GPATCH3: variants seen among roughly 807,000 people sequenced by gnomAD.
GPATCH3 encodes the protein G patch domain-containing protein 3.
Under a neutral mutation model 53.2 loss-of-function variants are expected in GPATCH3, and 45 were observed. That is an observed-to-expected ratio of 0.85 (90% CI 0.67 to 1.08). The LOEUF is 1.08. Among genes scored for constraint, GPATCH3 ranks in the 50% least tolerant of loss-of-function variants. The pLI, the probability that GPATCH3 is intolerant of heterozygous loss-of-function variation, is 0.00. For synonymous variants in GPATCH3, 280 were observed against 270.6 expected, an observed-to-expected ratio of 1.03 and a Z score of -0.34; for missense variants, 680 against 687.2, an observed-to-expected ratio of 0.99 and a Z score of 0.12.
chr1:26,897,724 A>C lies in GPATCH3; in HGVS notation c.453T>G (p.Gly151=). 1 of 1,600,864 alleles carries C rather than the reference A, an allele frequency of 6.2e-7. No homozygotes were observed. The highest frequency in any genetic ancestry group is 1.1e-5 in the South Asian group (1 of 89,504). ...RRLRLPTEAS[G]LGSFPFKTRK... ...GGGTCTTGAAGGGAAAGGAGCCCAG[A>C]CCTTGGAAAGGAGGGAGAATAGATC... Residue 151 remains glycine, a splice_region_variant and synonymous_variant, in exon 2 of 7, where the codon GGT becomes GGG. Coordinates refer to ENST00000361720, the MANE Select transcript of GPATCH3 (RefSeq NM_022078.3).
chr1:26,892,615 T>C (rs747156382), intron 5 of GPATCH3, 55 bp downstream of exon 5: 58 of 1,608,458 alleles, frequency 3.6e-5, no homozygotes, highest in African/African-American at 2.0e-4. Context: ...GAGAAGGAAT[T>C]AAAGTAGAGA....
rs2124020887 is a variant in GPATCH3 at position 26,894,263 on chromosome 1, C to T, written c.1024G>A (p.Ala342Thr). The change falls in exon 3 of 7, where the codon GCC (alanine) becomes ACC (threonine). Residue 342 changes from alanine to threonine, a missense_variant. Ala to Thr is a moderately conservative substitution (Grantham distance 58). Transcript: ENST00000361720. ...CCTTCTTCCTCCTGCCAGAACTGGG[C>T]ATCAGTATAAAACACCAGGCCAGAG... ...GGSGLVFYTD[A>T]QFWQEEEGDF... 4 of 1,614,076 alleles carry T rather than the reference C, an allele frequency of 2.5e-6. No individual in the cohort carries two copies. In the South Asian group the frequency reaches 3.3e-5, roughly 13 times the overall value.
intron 2 of GPATCH3, among the ~76,000 whole-genome samples, chr1:26,896,538 A>AAT (rs559783443): frequency 1.7e-3 from 250 of 148,066 alleles, no homozygotes; most frequent in Middle Eastern, 3.5e-3. Context: ...AAAAATAAAA[A>AAT]AAAAAAAAAA....
rs529928820 is a variant in GPATCH3 at position 26,892,043 on chromosome 1, A to G, written c.1361+368T>C. Reference sequence around the variant, plus strand: ...TTTTAGTAGAGACGGGGATTTCACCATGTTGGCCAGGCTGGTCTCTAACTC... The same window carrying G: ...TTTTAGTAGAGACGGGGATTTCACCGTGTTGGCCAGGCTGGTCTCTAACTC... On this transcript the variant is annotated intron_variant, in intron 6 of 6. Coordinates refer to ENST00000361720, the MANE Select transcript of GPATCH3 (RefSeq NM_022078.3). Among the ~76,000 whole-genome samples, 5 of 152,162 alleles carry G rather than the reference A, an allele frequency of 3.3e-5. No individual in the cohort carries two copies. The South Asian group carries it at 8.3e-4, about 25-fold the overall frequency.
intron 2 of GPATCH3, among the ~76,000 whole-genome samples, chr1:26,895,769 T>C (rs1204041316): frequency 6.6e-6 from 1 of 151,912 alleles, no homozygotes; most frequent in East Asian, 1.9e-4. Context: ...TCCCAGTAGC[T>C]AGGACTACAG....
Position 26,892,031 on chromosome 1 carries a change from G to A in GPATCH3, c.1361+380C>T, listed in dbSNP as rs548725252. Among the ~76,000 whole-genome samples, 6 of 151,938 alleles carry A rather than the reference G, an allele frequency of 3.9e-5. No homozygotes were observed. In the East Asian group the frequency reaches 9.7e-4, roughly 25 times the overall value. ...TAATTTTTGTATTTTTAGTAGAGAC[G>A]GGGATTTCACCATGTTGGCCAGGCT... On this transcript the variant is annotated intron_variant, in intron 6 of 6. Coordinates refer to ENST00000361720, the MANE Select transcript of GPATCH3 (RefSeq NM_022078.3).
chr1:26,899,247 G>A (rs2081964089), intron 1 of GPATCH3, among the ~76,000 whole-genome samples: 1 of 152,134 alleles, frequency 6.6e-6, no homozygotes, highest in Non-Finnish European at 1.5e-5. Flanking sequence ...GTAACCTCAG[G>A]CAAGTCACAT....
In GPATCH3 at chr1:26,894,230, C is replaced by T; in HGVS notation, c.1051+6G>A. 1 of 1,613,408 alleles carries T rather than the reference C, an allele frequency of 6.2e-7. No individual in the cohort carries two copies. The highest frequency in any genetic ancestry group is 8.5e-7 in the Non-Finnish European group (1 of 1,179,550). The stretch of plus-strand genomic sequence containing the variant: ...ACCCCTGCCTTTGCCTGGGTACCAG[C>T]ATTACCTCCTTCTTCCTCCTGCCAG... On this transcript the variant is annotated splice_donor_region_variant and intron_variant, in intron 3 of 6. Transcript: ENST00000361720.
In GPATCH3 at chr1:26,900,464, C is replaced by A; in HGVS notation, c.-22G>T. 6.3e-7 allele frequency: 1 copy of A among 1,590,908 alleles called. No individual in the cohort carries two copies. The highest frequency in any genetic ancestry group is 8.6e-7 in the Non-Finnish European group (1 of 1,165,168). ...CCATCTTGGATTGTCACATGATCAG[C>A]TAGAACCAAGTCTCGCGAGAACACC... is the stretch of plus-strand genomic sequence containing the variant. On this transcript the variant is annotated 5_prime_UTR_variant, in exon 1 of 7. Coordinates refer to ENST00000361720, the MANE Select transcript of GPATCH3 (RefSeq NM_022078.3).
rs912327731 is a variant in GPATCH3 at position 26,897,599 on chromosome 1, C to T, written c.578G>A (p.Gly193Glu). The stretch of plus-strand genomic sequence containing the variant: ...GACCCGCAGGGGAGTCCCCACATTC[C>T]CTCTGGGCATCAGCACTGGTGGGTT... The part of the protein sequence containing the change: ...ELNPPVLMPR[G>E]NVGTPLRVFL... Residue 193 changes from glycine to glutamate, a missense_variant, in exon 2 of 7, where the codon GGG (glycine) becomes GAG (glutamate). By Grantham distance (98) the Gly-to-Glu change is moderately conservative (BLOSUM62 -2). Coordinates refer to ENST00000361720, the MANE Select transcript of GPATCH3 (RefSeq NM_022078.3). 1 of 1,614,190 alleles carries T rather than the reference C, an allele frequency of 6.2e-7. No homozygotes were observed. The highest frequency in any genetic ancestry group is 8.5e-7 in the Non-Finnish European group (1 of 1,180,044).
At chr1:26,897,853 C>G in intron 1 of GPATCH3, 128 bp from the exon 2 acceptor site, 1 of 773,870 alleles carries the variant, frequency 1.3e-6, no homozygotes, top group Non-Finnish European at 2.0e-6. Context: ...TAGTAAAAAT[C>G]TAGGCCGACA....
At chr1:26,892,358 A>T (rs903260879) in intron 6 of GPATCH3, 53 bp downstream of exon 6, 2 of 1,583,556 alleles carry the variant, frequency 1.3e-6, no homozygotes, top group Non-Finnish European at 8.6e-7. Flanking sequence ...GAGGGAAACC[A>T]GGGCATAGCT....
Position 26,894,318 on chromosome 1 carries a change from C to T in GPATCH3, c.969G>A (p.Glu323=). ...QERTTEQLFE[E]EIELKWEKGG... ...CCTTCTCCCACTTGAGCTCAATCTCCTCCTCAAAGAGCTGCTCAGTGGTCC... is the reference window on the plus strand; with the variant it reads ...CCTTCTCCCACTTGAGCTCAATCTCTTCCTCAAAGAGCTGCTCAGTGGTCC... Residue 323 remains glutamate (E), a synonymous_variant, in exon 3 of 7, where the codon GAG becomes GAA. Coordinates refer to ENST00000361720, the MANE Select transcript of GPATCH3 (RefSeq NM_022078.3). 1 of 1,614,172 alleles carries T rather than the reference C, an allele frequency of 6.2e-7. No homozygotes were observed. Among genetic ancestry groups the T allele is most frequent in the Non-Finnish European group, 8.5e-7 (1 of 1,180,024 alleles).
Position 26,892,538 on chromosome 1 carries a change from C to T in GPATCH3, c.1234G>A (p.Gly412Ser), listed in dbSNP as rs994605298. ...QVGTFERHTK[G>S]IGRKVMERQG... is the part of the protein sequence containing the mutation. ...CGCTCCATCACCTTCCGCCCAATGC[C>T]CTGCAGAGTGAAGGGACAAGACTCA... The change falls in exon 6 of 7, where the codon GGC (glycine) becomes AGC (serine). Residue 412 changes from glycine (G) to serine (S), a missense_variant and splice_region_variant. Gly to Ser is a moderately conservative substitution (Grantham distance 56). Coordinates refer to ENST00000361720, the MANE Select transcript of GPATCH3 (RefSeq NM_022078.3). 1 of 1,611,224 alleles carries T rather than the reference C, an allele frequency of 6.2e-7. No homozygotes were observed. The highest frequency in any genetic ancestry group is 1.3e-5 in the African/African-American group (1 of 74,996).
Position 26,900,395 on chromosome 1 carries a change from T to TG in GPATCH3, c.47_48insC (p.Val17SerfsTer18), listed in dbSNP as rs748345930. The TG allele has an allele frequency of 1.2e-6, 2 of 1,613,562 alleles. No individual in the cohort carries two copies. The highest frequency in any genetic ancestry group is 3.3e-5 in the Admixed American group (2 of 60,012). On this transcript the variant is annotated frameshift_variant, in exon 1 of 7. Coordinates refer to ENST00000361720, the MANE Select transcript of GPATCH3 (RefSeq NM_022078.3). LOFTEE classifies it high-confidence loss of function. ...GCAACACGGAGGGGATACCGCTCAC[T>TG]ACCAGGTAAACTGTCGCCTCCTCCT...
chr1:26,896,428 A>G (rs1432631926), intron 2 of GPATCH3, among the ~76,000 whole-genome samples: 4 of 151,534 alleles, frequency 2.6e-5, no homozygotes, highest in Admixed American at 6.6e-5. Flanking sequence ...GCAGTGGGTC[A>G]TGCCTGTAAT....
chr1:26,890,913 A>C lies in GPATCH3; in HGVS notation c.*97T>G, dbSNP rs2081921609. 1.7e-6 allele frequency: 2 copies of C among 1,163,022 alleles called. No individual in the cohort carries two copies. Among genetic ancestry groups the C allele is most frequent in the African/African-American group, 3.0e-5 (2 of 65,946 alleles). 72.0% of individuals were successfully genotyped at this position (1,163,022 alleles called of 1,614,324 possible). ...ACAAAACACCCTGAACCAGCCACGA[A>C]GACTGCTGCTCCCAGACTCCTTTCT... On this transcript the variant is annotated 3_prime_UTR_variant, in exon 7 of 7. Coordinates refer to ENST00000361720, the MANE Select transcript of GPATCH3 (RefSeq NM_022078.3).
At chr1:26,892,383 C>T (rs753370809) in intron 6 of GPATCH3, 28 bp downstream of exon 6, 3 of 1,600,176 alleles carry the variant, frequency 1.9e-6, no homozygotes, top group South Asian at 2.2e-5. Context: ...GGCTTGGGCC[C>T]CCAGGGAAGT....
Position 26,890,815 on chromosome 1 carries a change from GGGGAGGGGAC to G in GPATCH3, c.*185_*194del, listed in dbSNP as rs772262286. ...AGCGGTCGTTACCCCTAATATCCAA[GGGGAGGGGAC>G]GGGAGGGGGCTTTTTGTAAAAATGC... On this transcript the variant is annotated 3_prime_UTR_variant, in exon 7 of 7. Transcript: ENST00000361720. 3.9e-6 allele frequency: 3 copies of G among 773,324 alleles called. No individual in the cohort carries two copies. The East Asian group carries it at 7.4e-5, about 19-fold the overall frequency. The allele number at this position is 773,324 out of a possible 1,614,324, so 47.9% of individuals were successfully genotyped here. A position where few individuals can be genotyped will look rare whatever the true frequency, so the allele number is the denominator to read the frequency against.
Sources: allele counts gnomAD v4.1 joint callset (sites outside exome capture counted in the v4.1 genomes callset), GRCh38; gene constraint gnomAD v4.1.1; transcripts MANE v1.5; gene names NCBI Gene and HGNC (gene_info 2026-07-23, HGNC 2026-07-21).